The following GPATCH2 variants were observed in gnomAD, a reference collection of about 807,000 sequenced individuals.
The protein encoded by GPATCH2 is G-patch domain containing 2.
In GPATCH2, 51 loss-of-function variants were observed where a neutral mutation model predicts 58.0. The observed-to-expected ratio is 0.88, with a 90% CI of 0.70 to 1.11. The LOEUF is 1.11. GPATCH2 is among the 50% of genes most tolerant of loss of function. The pLI is 0.00. For missense variants in GPATCH2, 625 were observed against 652.2 expected, an observed-to-expected ratio of 0.96 and a Z score of 0.45; for synonymous variants, 222 against 218.5, an observed-to-expected ratio of 1.02 and a Z score of -0.14.
chr1:217,523,894 C>T lies in GPATCH2; in HGVS notation c.1099-9005G>A, dbSNP rs563203377. Reference sequence around the variant, plus strand: ...CTCCCGGATGGGGCGGCTGGCCGGGCGGGGGGCTGACCCCCACACCTCCCT... The same window carrying T: ...CTCCCGGATGGGGCGGCTGGCCGGGTGGGGGGCTGACCCCCACACCTCCCT... On this transcript the variant is annotated intron_variant, in intron 5 of 9. Coordinates refer to ENST00000366935, the MANE Select transcript of GPATCH2 (RefSeq NM_018040.5). Among the ~76,000 whole-genome samples the T allele has an allele frequency of 4.9e-3, 556 of 112,960 alleles. 17 individuals are homozygous for T. Among genetic ancestry groups the T allele is most frequent in the African/African-American group, 0.015 (530 of 34,898 alleles). 74.1% of individuals were successfully genotyped at this position (112,960 alleles called of 152,430 possible).
chr1:217,540,463 C>T (rs1427755837), intron 5 of GPATCH2, among the ~76,000 whole-genome samples: 1 of 152,184 alleles, frequency 6.6e-6, no homozygotes, highest in East Asian at 1.9e-4. Context: ...TGAAGTTTTA[C>T]ATTGATAGCA....
intron 8 of GPATCH2, among the ~76,000 whole-genome samples, chr1:217,489,470 T>C (rs1156801885): frequency 1.3e-5 from 2 of 152,238 alleles, no homozygotes; most frequent in African/African-American, 4.8e-5. Flanking sequence ...TCGCCAACCC[T>C]GCAAACTTAA....
chr1:217,591,320 T>C (rs1017850704), intron 5 of GPATCH2, among the ~76,000 whole-genome samples: 15 of 152,162 alleles, frequency 9.9e-5, no homozygotes, highest in Admixed American at 5.9e-4. Flanking sequence ...CGTGTGTGTG[T>C]GCGTAAGACT....
chr1:217,551,647 C>A (rs1665367517), intron 5 of GPATCH2, among the ~76,000 whole-genome samples: 1 of 152,140 alleles, frequency 6.6e-6, no homozygotes, highest in South Asian at 2.1e-4. Flanking sequence ...GAACACAGAT[C>A]TCACTCACTG....
At chr1:217,480,492 G>A (rs980831335) in intron 8 of GPATCH2, among the ~76,000 whole-genome samples, 2 of 152,054 alleles carry the variant, frequency 1.3e-5, no homozygotes, top group Admixed American at 1.3e-4. Context: ...AGGTAATAAC[G>A]AATTCTGGCA....
chr1:217,477,575 A>AAT (rs1661022254), intron 8 of GPATCH2, among the ~76,000 whole-genome samples: 1 of 152,114 alleles, frequency 6.6e-6, no homozygotes, highest in South Asian at 2.1e-4. Flanking sequence ...GAACATTGGC[A>AAT]ATAGTCTGGC....
chr1:217,544,087 C>A (rs537911138), intron 5 of GPATCH2, among the ~76,000 whole-genome samples: 17 of 152,278 alleles, frequency 1.1e-4, no homozygotes, highest in African/African-American at 4.1e-4. Flanking sequence ...TATTGAACAT[C>A]TGAACTGAGA....
chr1:217,588,110 C>A (rs1667427418), intron 5 of GPATCH2, among the ~76,000 whole-genome samples: 1 of 152,088 alleles, frequency 6.6e-6, no homozygotes, highest in Non-Finnish European at 1.5e-5. Flanking sequence ...ATCAGAGGTG[C>A]TAACTTGTTG....
chr1:217,517,963 T>G (rs912859048), intron 5 of GPATCH2, among the ~76,000 whole-genome samples: 7 of 152,128 alleles, frequency 4.6e-5, no homozygotes, highest in Non-Finnish European at 7.4e-5. Flanking sequence ...AGACAATCAT[T>G]TATGTAATTA....
rs200502282 is a variant in GPATCH2 at position 217,630,916 on chromosome 1, C to G, written c.56G>C (p.Trp19Ser). 8.3e-4 allele frequency: 1,311 copies of G among 1,588,204 alleles called. No individual in the cohort carries two copies. The highest frequency in any genetic ancestry group is 1.4e-3 in the Admixed American group (83 of 58,768). Residue 19 changes from tryptophan to serine, a missense_variant and splice_region_variant, in exon 1 of 10, where the codon TGG (tryptophan) becomes TCG (serine). Transcript: ENST00000366935. ...CCCTCCCCAGGGCCGCCAGCCTCAC[C>G]AGCTGTTCCCGGCTGCTGGAGCTCC... ...PIGAPAAGNS[W>S]HFSRTMEELV...
chr1:217,623,728 C>G (rs983538623), intron 1 of GPATCH2, among the ~76,000 whole-genome samples: 1 of 151,860 alleles, frequency 6.6e-6, no homozygotes, highest in African/African-American at 2.4e-5. Flanking sequence ...ATGGTGAAAC[C>G]CCATCCCTAC....
At chr1:217,523,387 G>T (rs375758193) in intron 5 of GPATCH2, among the ~76,000 whole-genome samples, 2 of 151,614 alleles carry the variant, frequency 1.3e-5, no homozygotes, top group African/African-American at 4.9e-5. Context: ...TAACGAGCAT[G>T]CTGCCTTCAA....
At chr1:217,507,391 A>G (rs949978966) in intron 6 of GPATCH2, among the ~76,000 whole-genome samples, 7 of 152,222 alleles carry the variant, frequency 4.6e-5, no homozygotes, top group African/African-American at 1.4e-4. Context: ...TATTTCTTGT[A>G]TTAAACTGCT....
intron 6 of GPATCH2, among the ~76,000 whole-genome samples, chr1:217,505,200 T>C (rs921020823): frequency 1.2e-4 from 18 of 152,302 alleles, no homozygotes; most frequent in Admixed American, 3.3e-4. Flanking sequence ...CCCTAGGACA[T>C]AGACGCAGTT....
rs1281128669 is a variant in GPATCH2, at chr1:217,445,201, A to G, written c.1366+4048T>C. On this transcript the variant is annotated intron_variant, in intron 9 of 9. Coordinates refer to ENST00000366935, the MANE Select transcript of GPATCH2 (RefSeq NM_018040.5). The stretch of plus-strand genomic sequence containing the variant: ...TGTATAGAAAAAAGGCTGACTCCTT[A>G]TAATAAATATTTTACTATGACATTA... Among the ~76,000 whole-genome samples the G allele has an allele frequency of 2.6e-5, 4 of 152,298 alleles. No individual in the cohort carries two copies. In the East Asian group the frequency reaches 7.7e-4, roughly 29 times the overall value.
chr1:217,446,813 C>T (rs997787569), intron 9 of GPATCH2, among the ~76,000 whole-genome samples: 1 of 152,106 alleles, frequency 6.6e-6, no homozygotes, highest in Non-Finnish European at 1.5e-5. Flanking sequence ...TACCCATATG[C>T]CATATAAATG....
intron 5 of GPATCH2, chr1:217,610,083 C>G: frequency 6.6e-7 from 1 of 1,522,934 alleles, no homozygotes; most frequent in Non-Finnish European, 8.8e-7. Context: ...GGGAAGAGGA[C>G]AGGAGCCAGG....
chr1:217,527,463 C>T (rs185659511), intron 5 of GPATCH2, among the ~76,000 whole-genome samples: 139 of 147,970 alleles, frequency 9.4e-4, no homozygotes, highest in Middle Eastern at 3.5e-3. Flanking sequence ...GCCTGGGATA[C>T]GGCCAATAAC....
chr1:217,605,790 G>A (rs992880939), intron 5 of GPATCH2, among the ~76,000 whole-genome samples: 2 of 152,152 alleles, frequency 1.3e-5, no homozygotes, highest in African/African-American at 4.8e-5. Context: ...GCTTACATAA[G>A]GTTACTTGGA....
Sources: allele counts gnomAD v4.1 joint callset (sites outside exome capture counted in the v4.1 genomes callset), GRCh38; gene constraint gnomAD v4.1.1; transcripts MANE v1.5; gene names NCBI Gene and HGNC (gene_info 2026-07-23, HGNC 2026-07-21).